Variants in ACACA observed in about 807,000 individuals in gnomAD.
The protein encoded by ACACA is acetyl-CoA carboxylase 1.
Under a neutral mutation model 296.1 loss-of-function variants are expected in ACACA, and 103 were observed. That is an observed-to-expected ratio of 0.35 (90% CI 0.30 to 0.41). The LOEUF is 0.41. ACACA is among the 10% of genes least tolerant of loss of function. The probability of loss-of-function intolerance (pLI) is 1.00; values close to 1 mark genes in which losing one functional copy is unlikely to be tolerated. For missense variants in ACACA, 1,554 were observed against 2,989.7 expected, an observed-to-expected ratio of 0.52 and a Z score of 11.20; for synonymous variants, 953 against 1,038.6, an observed-to-expected ratio of 0.92 and a Z score of 1.58.
Position 37,130,218 on chromosome 17 carries a change from C to G in ACACA, c.5680G>C (p.Val1894Leu). Reference protein sequence around the residue: ...ILTGAGALNKVLGREVYTSNN... With the variant: ...ILTGAGALNKLLGREVYTSNN... ...GAGGTGTACACTTCCCGCCCGAGGACCTAGAGAAAAGAGCAAGAGAAAAGA... is the reference window on the plus strand; with the variant it reads ...GAGGTGTACACTTCCCGCCCGAGGAGCTAGAGAAAAGAGCAAGAGAAAAGA... The change falls in exon 46 of 56, where the codon GTC becomes CTC. Residue 1894 changes from valine (V) to leucine (L), a missense_variant and splice_region_variant. Around this residue, in one of 16 missense-constraint regions of ACACA, gnomAD observed 553 missense variants for 1,043.6 expected, o/e 0.53. Transcript: ENST00000616317. The G allele has an allele frequency of 6.2e-7, 1 of 1,614,132 alleles. No homozygotes were observed. The highest frequency in any genetic ancestry group is 8.5e-7 in the Non-Finnish European group (1 of 1,180,002).
At chr17:37,373,984 A>C (rs1018916918) in intron 1 of ACACA, among the ~76,000 whole-genome samples, 3 of 152,206 alleles carry the variant, frequency 2.0e-5, no homozygotes, top group Non-Finnish European at 4.4e-5. Flanking sequence ...TCCTTGGACC[A>C]ATAAAGATGT....
At chr17:37,401,847 A>C (rs1013750036) in intron 1 of ACACA, among the ~76,000 whole-genome samples, 7 of 152,172 alleles carry the variant, frequency 4.6e-5, no homozygotes, top group African/African-American at 1.7e-4. Flanking sequence ...GGCATGAGCC[A>C]CCGCACCAGG....
At chr17:37,181,424 CT>C (rs996781778) in intron 39 of ACACA, 68 bp from the exon 40 acceptor site, 10 of 1,554,528 alleles carry the variant, frequency 6.4e-6, no homozygotes, top group Admixed American at 5.0e-5. Flanking sequence ...CCTAGAGGGG[CT>C]TTTTTTGCAC....
intron 5 of ACACA, among the ~76,000 whole-genome samples, chr17:37,279,444 C>A (rs950147941): frequency 6.6e-6 from 1 of 152,006 alleles, no homozygotes; most frequent in African/African-American, 2.4e-5. Context: ...ACCATCCTGG[C>A]TAACATGGTG....
intron 22 of ACACA, among the ~76,000 whole-genome samples, chr17:37,242,405 C>T (rs2080458975): frequency 6.6e-6 from 1 of 152,132 alleles, no homozygotes; most frequent in Admixed American, 6.5e-5. Flanking sequence ...AAAGATGCTG[C>T]CAAGGTAGTA....
intron 44 of ACACA, among the ~76,000 whole-genome samples, chr17:37,150,206 T>G (rs1240205556): frequency 6.6e-6 from 1 of 152,196 alleles, no homozygotes; most frequent in Non-Finnish European, 1.5e-5. Flanking sequence ...CCTAGCACTT[T>G]GGGAGTCTGA....
intron 2 of ACACA, among the ~76,000 whole-genome samples, chr17:37,331,268 C>T (rs1694660960): frequency 6.6e-6 from 1 of 151,324 alleles, no homozygotes; most frequent in Admixed American, 6.6e-5. Context: ...CAGGCACCCG[C>T]CACAACACCC....
chr17:37,350,313 A>C (rs1292306696), intron 1 of ACACA, among the ~76,000 whole-genome samples: 1 of 151,544 alleles, frequency 6.6e-6, no homozygotes, highest in East Asian at 1.9e-4. Context: ...CCTGGGCAAC[A>C]TAGTGAACCC....
chr17:37,178,321 T>C (rs1327736397), intron 41 of ACACA, among the ~76,000 whole-genome samples: 1 of 152,144 alleles, frequency 6.6e-6, no homozygotes, highest in Non-Finnish European at 1.5e-5. Context: ...TATCAAAAAA[T>C]GGGTTCTTTG....
intron 41 of ACACA, among the ~76,000 whole-genome samples, chr17:37,169,068 C>T (rs1347396096): frequency 6.6e-6 from 1 of 152,168 alleles, no homozygotes; most frequent in African/African-American, 2.4e-5. Flanking sequence ...CACTGATAGG[C>T]AGGGAAGGTA....
Position 37,406,491 on chromosome 17 carries a change from C to G in ACACA, c.-192G>C. ...GGAGAGGCGCCACGGCTCGCCGTCCCTGGGCCCAGTTCCCTCAGCCTCAAT... is the reference window on the plus strand; with the variant it reads ...GGAGAGGCGCCACGGCTCGCCGTCCGTGGGCCCAGTTCCCTCAGCCTCAAT... On this transcript the variant is annotated 5_prime_UTR_variant, in exon 1 of 56. Coordinates refer to ENST00000616317, the MANE Select transcript of ACACA (RefSeq NM_198834.3). The G allele has an allele frequency of 3.0e-6, 2 of 666,002 alleles. No individual in the cohort carries two copies. Among genetic ancestry groups the G allele is most frequent in the South Asian group, 3.4e-5 (2 of 58,164 alleles). The allele number at this position is 666,002 out of a possible 1,614,324, so 41.3% of individuals were successfully genotyped here.
chr17:37,392,019 C>G (rs1597792836), intron 1 of ACACA: 1 of 350,072 alleles, frequency 2.9e-6, no homozygotes, highest in Non-Finnish European at 5.2e-6. Flanking sequence ...CCTTACTACT[C>G]TCTTTGACAG....
chr17:37,365,852 G>C (rs1277987842), intron 1 of ACACA: 1 of 456,612 alleles, frequency 2.2e-6, no homozygotes, highest in Non-Finnish European at 2.9e-6. Flanking sequence ...TGGCATTTCT[G>C]CTCTCACTCC....
intron 14 of ACACA, among the ~76,000 whole-genome samples, chr17:37,255,906 C>A (rs1424223752): frequency 1.3e-5 from 2 of 152,072 alleles, no homozygotes; most frequent in African/African-American, 2.4e-5. Flanking sequence ...GCCACCACAC[C>A]TGGCTAATTT....
Position 37,141,591 on chromosome 17 carries a change from T to C in ACACA, c.5679+8273A>G, listed in dbSNP as rs558139539. On this transcript the variant is annotated intron_variant, in intron 45 of 55. Transcript: ENST00000616317. Reference sequence around the variant, plus strand: ...TTTCTACTTTAAAATGGGAAATGTATTATGCCTTCCATTTCACAAAGAGGA... The same window carrying C: ...TTTCTACTTTAAAATGGGAAATGTACTATGCCTTCCATTTCACAAAGAGGA... Among the ~76,000 whole-genome samples, 4 of 152,320 alleles carry C rather than the reference T, an allele frequency of 2.6e-5. No individual in the cohort carries two copies. In the South Asian group the frequency reaches 8.3e-4, roughly 32 times the overall value.
rs2075965998 is a variant in ACACA, at chr17:37,149,860, T to G, written c.5679+4A>C. ...CATACTTCTTCAAAACCCTAGAAAC[T>G]TACTTTGTTGAGGGCTCCAGCTCCT... On this transcript the variant is annotated splice_donor_region_variant and intron_variant, in intron 45 of 55. Coordinates refer to ENST00000616317, the MANE Select transcript of ACACA (RefSeq NM_198834.3). The G allele has an allele frequency of 6.2e-7, 1 of 1,612,770 alleles. No homozygotes were observed. The highest frequency in any genetic ancestry group is 8.5e-7 in the Non-Finnish European group (1 of 1,178,832).
Position 37,221,813 on chromosome 17 carries a change from A to G in ACACA, c.3594T>C (p.Tyr1198=), listed in dbSNP as rs1173805828. The G allele has an allele frequency of 6.2e-7, 1 of 1,614,020 alleles. No homozygotes were observed. The highest frequency in any genetic ancestry group is 8.5e-7 in the Non-Finnish European group (1 of 1,179,982). ...GGCGGTGTTGTACGCTGTTAAGTTC[A>G]TAGGCAATATAAGCCCTTCGAACAT... is the stretch of plus-strand genomic sequence containing the variant. ...EVYVRRAYIA[Y]ELNSVQHRQL... is the part of the protein sequence containing the mutation. Residue 1198 remains tyrosine (Y), a synonymous_variant, in exon 29 of 56, where the codon TAT becomes TAC. Transcript: ENST00000616317.
intron 10 of ACACA, among the ~76,000 whole-genome samples, chr17:37,267,487 T>C (rs565431977): frequency 6.6e-6 from 1 of 152,324 alleles, no homozygotes; most frequent in South Asian, 2.1e-4. Context: ...ATTTCTCACA[T>C]TGCTCTATGT....
In ACACA at chr17:37,339,812, A is replaced by G. The variant is rs2048302138; in HGVS notation, c.77T>C (p.Ile26Thr). The change falls in exon 2 of 56, where the codon ATT becomes ACT. Residue 26 changes from isoleucine to threonine, a missense_variant. By Grantham distance (89) the Ile-to-Thr change is moderately conservative (BLOSUM62 -1). Transcript: ENST00000616317. ...WKWISTQTVR[I>T]IRAVRAHFGG... ...TATTATTTGTAACTGACCTCTTATA[A>G]TTCTTACTGTCTGAGTAGATATCCA... 1 of 1,379,714 alleles carries G rather than the reference A, an allele frequency of 7.2e-7. No individual in the cohort carries two copies. Among genetic ancestry groups the G allele is most frequent in the Non-Finnish European group, 1.0e-6 (1 of 973,350 alleles). 85.5% of individuals were successfully genotyped at this position (1,379,714 alleles called of 1,614,324 possible).
Sources: allele counts gnomAD v4.1 joint callset (sites outside exome capture counted in the v4.1 genomes callset), GRCh38; gene constraint gnomAD v4.1.1; regional missense constraint gnomAD v4.1.1; transcripts MANE v1.5; gene names NCBI Gene and HGNC (gene_info 2026-07-23, HGNC 2026-07-21).